Variants in UNC5D observed in about 807,000 individuals in gnomAD.
UNC5D encodes the protein unc-5 netrin receptor D, also known as netrin receptor UNC5D.
In UNC5D, 39 loss-of-function variants were observed where a neutral mutation model predicts 105.4. That is an observed-to-expected ratio of 0.37 (90% CI 0.29 to 0.48). The LOEUF is 0.48. Ranked by LOEUF, UNC5D falls within the 20% of genes least tolerant of loss-of-function variation. The pLI is 0.98. For synonymous variants in UNC5D, 452 were observed against 450.4 expected, an observed-to-expected ratio of 1.00 and a Z score of -0.04; for missense variants, 991 against 1,202.4, an observed-to-expected ratio of 0.82 and a Z score of 2.60.
intron 1 of UNC5D, among the ~76,000 whole-genome samples, chr8:35,248,715 TAAAATATATA>T (rs1367586077): frequency 1.0e-5 from 1 of 99,728 alleles, no homozygotes; most frequent in East Asian, 3.2e-4. Flanking sequence ...ATAATATATA[TAAAATATATA>T]AAAATATATA....
intron 4 of UNC5D, among the ~76,000 whole-genome samples, chr8:35,597,422 T>C (rs2130909321): frequency 6.6e-6 from 1 of 152,324 alleles, no homozygotes; most frequent in Admixed American, 6.5e-5. Flanking sequence ...CCCTCTCATT[T>C]AGGACATCGC....
intron 1 of UNC5D, among the ~76,000 whole-genome samples, chr8:35,463,467 T>C (rs913968927): frequency 3.1e-4 from 47 of 152,304 alleles, no homozygotes; most frequent in Admixed American, 9.8e-4. Context: ...TCCGCTCCAC[T>C]TCTTAGTGCT....
intron 1 of UNC5D, among the ~76,000 whole-genome samples, chr8:35,348,986 TAAA>T (rs940768785): frequency 6.6e-6 from 1 of 151,808 alleles, no homozygotes; most frequent in African/African-American, 2.4e-5. Flanking sequence ...AATAACTTCT[TAAA>T]AAATTTAGCA....
At chr8:35,466,870 G>A (rs1809344543) in intron 1 of UNC5D, among the ~76,000 whole-genome samples, 2 of 152,182 alleles carry the variant, frequency 1.3e-5, no homozygotes, top group African/African-American at 4.8e-5. Flanking sequence ...ATGGTGGATT[G>A]TGTTTCTTTG....
chr8:35,605,278 T>C (rs902948188), intron 4 of UNC5D, among the ~76,000 whole-genome samples: 5 of 152,232 alleles, frequency 3.3e-5, no homozygotes, highest in African/African-American at 9.6e-5. Context: ...GACTCTCAGC[T>C]GCAGGTCTGT....
At chr8:35,510,675 T>C (rs2130349539) in intron 1 of UNC5D, among the ~76,000 whole-genome samples, 1 of 152,322 alleles carries the variant, frequency 6.6e-6, no homozygotes, top group African/African-American at 2.4e-5. Context: ...CATCTCAGCT[T>C]GGCCAGACAA....
At chr8:35,766,805 GTCATCATCA>G (rs58870994) in intron 14 of UNC5D, 88 bp from the exon 15 acceptor site, 15 of 1,336,200 alleles carry the variant, frequency 1.1e-5, no homozygotes, top group South Asian at 7.5e-5. Flanking sequence ...TGTTGTTGTC[GTCATCATCA>G]TCATCATCAT....
chr8:35,610,248 C>T (rs1051601363), intron 4 of UNC5D, among the ~76,000 whole-genome samples: 2 of 152,004 alleles, frequency 1.3e-5, no homozygotes, highest in Non-Finnish European at 2.9e-5. Context: ...CTCGATCTGT[C>T]CTTTCTCTAA....
chr8:35,767,456 G>C (rs1801823573), intron 15 of UNC5D, among the ~76,000 whole-genome samples: 2 of 152,184 alleles, frequency 1.3e-5, no homozygotes, highest in African/African-American at 2.4e-5. Flanking sequence ...GCCACCCTCA[G>C]ACTGTTTTTC....
chr8:35,747,493 A>G (rs1830064917), intron 11 of UNC5D, among the ~76,000 whole-genome samples: 1 of 152,144 alleles, frequency 6.6e-6, no homozygotes, highest in African/African-American at 2.4e-5. Flanking sequence ...TATAAGTAAA[A>G]GCTTTAGTAA....
At chr8:35,260,743 T>C (rs916020841) in intron 1 of UNC5D, among the ~76,000 whole-genome samples, 2 of 152,146 alleles carry the variant, frequency 1.3e-5, no homozygotes, top group Non-Finnish European at 2.9e-5. Context: ...GTTATGCCTA[T>C]TATTAAATAT....
At chr8:35,694,358 T>C (rs537630613) in intron 7 of UNC5D, among the ~76,000 whole-genome samples, 11 of 152,274 alleles carry the variant, frequency 7.2e-5, no homozygotes, top group South Asian at 2.1e-4. Flanking sequence ...TGTTTTCTTT[T>C]TGAGGTACTC....
intron 1 of UNC5D, among the ~76,000 whole-genome samples, chr8:35,329,551 G>GC (rs1810447149): frequency 6.6e-6 from 1 of 151,980 alleles, no homozygotes; most frequent in Non-Finnish European, 1.5e-5. Flanking sequence ...TAATTAGCTT[G>GC]TGTTCCTATC....
chr8:35,751,041 TTTA>T (rs1164746043), intron 13 of UNC5D, among the ~76,000 whole-genome samples: 4 of 152,140 alleles, frequency 2.6e-5, no homozygotes, highest in African/African-American at 9.7e-5. Context: ...ATACCGGAGT[TTTA>T]TTATTACTCA....
At chr8:35,367,953 AT>A (rs1332530972) in intron 1 of UNC5D, among the ~76,000 whole-genome samples, 1 of 152,060 alleles carries the variant, frequency 6.6e-6, no homozygotes, top group Non-Finnish European at 1.5e-5. Flanking sequence ...ATGTCTCTCT[AT>A]TTTTAATTTA....
intron 1 of UNC5D, among the ~76,000 whole-genome samples, chr8:35,380,463 C>T (rs941922128): frequency 2.0e-5 from 3 of 152,022 alleles, no homozygotes; most frequent in African/African-American, 7.2e-5. Context: ...TTATGACACA[C>T]GTAAACTTTT....
chr8:35,371,334 T>C (rs557099125), intron 1 of UNC5D, among the ~76,000 whole-genome samples: 3 of 152,284 alleles, frequency 2.0e-5, no homozygotes, highest in East Asian at 1.9e-4. Context: ...CCCATTAATA[T>C]AGAAAAGAAA....
intron 1 of UNC5D, among the ~76,000 whole-genome samples, chr8:35,428,556 AC>A (rs1369344475): frequency 6.6e-6 from 1 of 151,596 alleles, no homozygotes; most frequent in East Asian, 2.0e-4. Flanking sequence ...CTGAAGACAC[AC>A]TTTTCTTCTG....
chr8:35,720,633 G>A (rs1828524627), intron 8 of UNC5D, among the ~76,000 whole-genome samples: 1 of 152,150 alleles, frequency 6.6e-6, no homozygotes, highest in Admixed American at 6.6e-5. Flanking sequence ...ACACATGACA[G>A]AGGCACACGT....
Sources: allele counts gnomAD v4.1 joint callset (sites outside exome capture counted in the v4.1 genomes callset), GRCh38; gene constraint gnomAD v4.1.1; transcripts MANE v1.5; gene names NCBI Gene and HGNC (gene_info 2026-07-23, HGNC 2026-07-21).